SFTPD: variants seen among roughly 807,000 people sequenced by gnomAD.
SFTPD encodes the protein surfactant protein D, also known as pulmonary surfactant-associated protein D.
SFTPD carries 18 observed loss-of-function variants against 34.6 expected under a neutral mutation model. The ratio of observed to expected loss-of-function variants is 0.52; its 90% CI spans 0.36 to 0.77. The LOEUF (loss-of-function observed/expected upper bound fraction) is 0.77, where lower values mean the gene tolerates loss of function less well. Among genes scored for constraint, SFTPD ranks in the 30% least tolerant of loss-of-function variants. The pLI, the probability that SFTPD is intolerant of heterozygous loss-of-function variation, is 0.00. For synonymous variants in SFTPD, 155 were observed against 180.9 expected (o/e 0.86, Z 1.15); for missense variants, 433 against 468.9 (o/e 0.92, Z 0.71).
intron 1 of SFTPD, chr10:79,982,081 G>A: frequency 3.3e-6 from 1 of 299,758 alleles, no homozygotes; most frequent in South Asian, 7.5e-5. Flanking sequence ...TGGGCCGGCT[G>A]CTGCGCCTTG....
intron 1 of SFTPD, among the ~76,000 whole-genome samples, chr10:79,947,928 G>T (rs764939386): frequency 2.0e-5 from 3 of 152,186 alleles, no homozygotes; most frequent in Admixed American, 6.5e-5. Context: ...GATCAGATTC[G>T]CAGAGGCTAG....
chr10:79,963,317 C>G (rs1279732462), intron 1 of SFTPD, among the ~76,000 whole-genome samples: 1 of 150,386 alleles, frequency 6.6e-6, no homozygotes, highest in Non-Finnish European at 1.5e-5. Flanking sequence ...CCACTGCACT[C>G]TAGCCTGAGT....
chr10:79,958,588 A>G (rs551839506), intron 1 of SFTPD, among the ~76,000 whole-genome samples: 1 of 152,364 alleles, frequency 6.6e-6, no homozygotes, highest in East Asian at 1.9e-4. Context: ...CAACAAGAAG[A>G]GCTAACTATC....
At chr10:79,978,643 C>A (rs1485298396) in intron 1 of SFTPD, among the ~76,000 whole-genome samples, 1 of 108,432 alleles carries the variant, frequency 9.2e-6, no homozygotes, top group African/African-American at 4.0e-5. Flanking sequence ...CAGAGTGACA[C>A]CCTGTCTCAA....
At chr10:79,963,983 T>C (rs80271335) in intron 1 of SFTPD, among the ~76,000 whole-genome samples, 22,283 of 152,080 alleles carry the variant, frequency 0.15, 2,071 homozygotes, top group East Asian at 0.41. Flanking sequence ...ACCCTGATCA[T>C]ACTTGGTTTA....
chr10:79,979,890 A>G (rs1842881428), intron 1 of SFTPD, among the ~76,000 whole-genome samples: 1 of 152,180 alleles, frequency 6.6e-6, no homozygotes, highest in South Asian at 2.1e-4. Flanking sequence ...GGGAGAAAAA[A>G]GAGTAAAGGG....
At chr10:79,960,225 A>C (rs1477551919) in intron 1 of SFTPD, among the ~76,000 whole-genome samples, 1 of 144,282 alleles carries the variant, frequency 6.9e-6, no homozygotes, top group African/African-American at 2.6e-5. Flanking sequence ...TTCCCTTTGA[A>C]AACTGGCACA....
chr10:79,977,626 A>G (rs184749542), intron 1 of SFTPD, among the ~76,000 whole-genome samples: 2 of 152,328 alleles, frequency 1.3e-5, no homozygotes, highest in African/African-American at 4.8e-5. Context: ...TGTGTTTTTC[A>G]GGTATCTGTG....
intron 1 of SFTPD, among the ~76,000 whole-genome samples, chr10:79,958,931 T>G (rs1349010850): frequency 3.3e-5 from 5 of 151,804 alleles, no homozygotes; most frequent in Non-Finnish European, 5.9e-5. Flanking sequence ...GAACAGAAAT[T>G]ATAACAAACT....
In SFTPD at chr10:79,978,651, C is replaced by CAAAA. The variant is rs58759979; in HGVS notation, c.36+3920_36+3923dup. 1.1e-3 allele frequency among the ~76,000 whole-genome samples: 55 copies of CAAAA among 51,974 alleles called. 5 individuals carry two copies. The East Asian group carries it at 0.017, about 17-fold the overall frequency. 34.1% of individuals were successfully genotyped at this position (51,974 alleles called of 152,430 possible). A position where few individuals can be genotyped will look rare whatever the true frequency, so the allele number is the denominator to read the frequency against. On this transcript the variant is annotated intron_variant, in intron 1 of 5. Coordinates refer to the SFTPD transcript ENST00000444384. Reference sequence around the variant, plus strand: ...TGGGCAGCAGAGTGACACCCTGTCTCAAAAAAAAAAAAAAAAAAAAAAAAA... The same window carrying CAAAA: ...TGGGCAGCAGAGTGACACCCTGTCTCAAAAAAAAAAAAAAAAAAAAAAAAAAAAA...
chr10:79,982,311 G>A, intron 1 of SFTPD: 1 of 972,508 alleles, frequency 1.0e-6, no homozygotes, highest in Non-Finnish European at 1.3e-6. Context: ...GTGCCCAGTG[G>A]GCACCAGCCC....
upstream of SFTPD, chr10:79,950,850 A>T (rs942679681): frequency 6.6e-6 from 1 of 152,014 alleles, no homozygotes; most frequent in African/African-American, 2.4e-5. Context: ...ATGTAATTCT[A>T]TATTTTTCAA....
rs2819098 is a variant in SFTPD at position 79,938,341 on chromosome 10, G to A, written c.752-113C>T. 554,527 of 882,676 alleles carry A rather than the reference G, an allele frequency of 0.63. 176,824 individuals carry two copies. Among genetic ancestry groups the A allele is most frequent in the African/African-American group, 0.83 (48,906 of 59,234 alleles). The allele number at this position is 882,676 out of a possible 1,614,324, so 54.7% of individuals were successfully genotyped here. The stretch of plus-strand genomic sequence containing the variant: ...CTTTCAGACCTCCCAAACAGGCACC[G>A]CATCAGGATGCCAGAGAGAATGCAA... On this transcript the variant is annotated intron_variant, in intron 7 of 7. Transcript: ENST00000372292.
At chr10:79,969,057 G>A (rs1842820110) in intron 1 of SFTPD, 1 of 152,140 alleles carries the variant, frequency 6.6e-6, no homozygotes, top group African/African-American at 2.4e-5. Flanking sequence ...CTGGATATAA[G>A]GCCGGTCATG....
chr10:79,942,321 G>T, intron 4 of SFTPD, 67 bp downstream of exon 4: 1 of 1,121,236 alleles, frequency 8.9e-7, no homozygotes, highest in Non-Finnish European at 1.4e-6. Flanking sequence ...GCACGCCTCA[G>T]GTCATATCAT....
At chr10:79,939,901 C>T (rs1447176804) in intron 7 of SFTPD, among the ~76,000 whole-genome samples, 2 of 152,190 alleles carry the variant, frequency 1.3e-5, no homozygotes, top group African/African-American at 4.8e-5. Context: ...TTCAAAAAGG[C>T]ACCAGGCCCT....
At chr10:79,949,424 A>G (rs905673186), upstream of SFTPD, among the ~76,000 whole-genome samples, 1 of 152,218 alleles carries the variant, frequency 6.6e-6, no homozygotes, top group African/African-American at 2.4e-5. Flanking sequence ...AGGTTGCACA[A>G]TGACCTACAG....
chr10:79,941,950 T>C lies in SFTPD; in HGVS notation c.550+4A>G. 2 of 1,593,664 alleles carry C rather than the reference T, an allele frequency of 1.3e-6. No individual in the cohort carries two copies. Among genetic ancestry groups the C allele is most frequent in the Non-Finnish European group, 1.7e-6 (2 of 1,162,224 alleles). On this transcript the variant is annotated splice_donor_region_variant and intron_variant, in intron 5 of 7. Coordinates refer to ENST00000372292, the MANE Select transcript of SFTPD (RefSeq NM_003019.5). The stretch of plus-strand genomic sequence containing the variant: ...AGCCCAGCCCAGCTCTTTCCACTGC[T>C]CACCTGCTGCCCCTGTGTTTCCAGG...
chr10:79,957,706 A>G (rs1842748123), intron 1 of SFTPD, among the ~76,000 whole-genome samples: 2 of 152,360 alleles, frequency 1.3e-5, no homozygotes, highest in East Asian at 3.9e-4. Flanking sequence ...GGAGAATGGA[A>G]CCAAGCTGGA....
Sources: allele counts gnomAD v4.1 joint callset (sites outside exome capture counted in the v4.1 genomes callset), GRCh38; gene constraint gnomAD v4.1.1; transcripts MANE v1.5; gene names NCBI Gene and HGNC (gene_info 2026-07-23, HGNC 2026-07-21).